The following ITFG1 variants were observed in gnomAD, a reference collection of about 807,000 sequenced individuals.
The protein encoded by ITFG1 is integrin alpha FG-GAP repeat containing 1, also known as T-cell immunomodulatory protein.
ITFG1 carries 34 observed loss-of-function variants against 81.8 expected under a neutral mutation model. The observed-to-expected ratio is 0.42, with a 90% CI of 0.32 to 0.55. The LOEUF (loss-of-function observed/expected upper bound fraction) is 0.55. ITFG1 is among the 20% of genes least tolerant of loss of function. ITFG1 has a pLI of 0.17. For synonymous variants in ITFG1, 285 were observed against 270.6 expected (o/e 1.05, Z -0.52); for missense variants, 672 against 755.4 (o/e 0.89, Z 1.29).
At chr16:47,259,643 TA>T (rs1468711247) in intron 11 of ITFG1, among the ~76,000 whole-genome samples, 9 of 152,186 alleles carry the variant, frequency 5.9e-5, no homozygotes, top group African/African-American at 2.2e-4. Flanking sequence ...ATTGGGCACT[TA>T]ACTTTTAAAA....
At chr16:47,323,560 C>A (rs1236774672) in intron 8 of ITFG1, among the ~76,000 whole-genome samples, 1 of 152,062 alleles carries the variant, frequency 6.6e-6, no homozygotes, top group Non-Finnish European at 1.5e-5. Context: ...TCTAAATTAC[C>A]CAGTTTCATA....
chr16:47,443,587 T>C (rs1969283959), intron 5 of ITFG1, among the ~76,000 whole-genome samples: 1 of 152,208 alleles, frequency 6.6e-6, no homozygotes, highest in Non-Finnish European at 1.5e-5. Flanking sequence ...GATGAGTTCA[T>C]GTCCTTTGTG....
chr16:47,449,045 T>A (rs924934220), intron 5 of ITFG1: 1 of 152,184 alleles, frequency 6.6e-6, no homozygotes, highest in Non-Finnish European at 1.5e-5. Flanking sequence ...TTTAGACTGA[T>A]CATCTGCACC....
chr16:47,441,321 T>A (rs1969247261), intron 5 of ITFG1, among the ~76,000 whole-genome samples: 1 of 152,120 alleles, frequency 6.6e-6, no homozygotes, highest in Non-Finnish European at 1.5e-5. Flanking sequence ...CCTCCCTAAC[T>A]CATTTTATGA....
intron 6 of ITFG1, among the ~76,000 whole-genome samples, chr16:47,395,745 A>C (rs1356568256): frequency 6.6e-6 from 1 of 152,244 alleles, no homozygotes; most frequent in African/African-American, 2.4e-5. Context: ...CTGTTTTTAA[A>C]TGGAGTTTCT....
rs1280420223 is a variant in ITFG1 at position 47,154,498 on chromosome 16, G to A, written c.*1221C>T. The A allele has an allele frequency of 6.6e-6, 1 of 151,926 alleles. No homozygotes were observed. Among genetic ancestry groups the A allele is most frequent in the Non-Finnish European group, 1.5e-5 (1 of 67,978 alleles). The allele number at this position is 151,926 out of a possible 1,614,324, so 9.4% of individuals were successfully genotyped here. A position where few individuals can be genotyped will look rare whatever the true frequency, so the allele number is the denominator to read the frequency against. ...TAAAGAAAAAAATAAGAACAAAATT[G>A]TTTTCAGAGAAATTTTTGTGTTTTA... On this transcript the variant is annotated 3_prime_UTR_variant, in exon 18 of 18. Coordinates refer to ENST00000320640, the MANE Select transcript of ITFG1 (RefSeq NM_030790.5).
rs571309907 is a variant in ITFG1, at chr16:47,161,616, T to G, written c.1661+134A>C. ...GTAAGTATGTTTAGTCATTTAAAGTTTGCCGTAAGCAAATTAAGGGATGGG... is the reference window on the plus strand; with the variant it reads ...GTAAGTATGTTTAGTCATTTAAAGTGTGCCGTAAGCAAATTAAGGGATGGG... On this transcript the variant is annotated intron_variant, in intron 16 of 17. Coordinates refer to ENST00000320640, the MANE Select transcript of ITFG1 (RefSeq NM_030790.5). The G allele has an allele frequency of 5.5e-6, 3 of 544,440 alleles. No homozygotes were observed. In the African/African-American group the frequency reaches 5.6e-5, roughly 10 times the overall value. 33.7% of individuals were successfully genotyped at this position (544,440 alleles called of 1,614,324 possible).
chr16:47,449,276 T>G (rs1490447536), intron 5 of ITFG1: 1 of 152,216 alleles, frequency 6.6e-6, no homozygotes, highest in African/African-American at 2.4e-5. Context: ...AAAGGTAGAT[T>G]TCTTGATAAA....
intron 8 of ITFG1, among the ~76,000 whole-genome samples, chr16:47,330,488 TAAAC>T (rs1041938785): frequency 2.6e-5 from 4 of 151,380 alleles, no homozygotes; most frequent in African/African-American, 7.3e-5. Flanking sequence ...AAGAAACAAA[TAAAC>T]AAACCCAAAA....
intron 6 of ITFG1, among the ~76,000 whole-genome samples, chr16:47,408,061 T>C (rs1298895423): frequency 6.6e-6 from 1 of 152,182 alleles, no homozygotes; most frequent in East Asian, 1.9e-4. Context: ...CAAATCAGTG[T>C]CTTTAAAAAT....
chr16:47,440,340 T>C (rs1248680438), intron 5 of ITFG1, among the ~76,000 whole-genome samples: 6 of 152,288 alleles, frequency 3.9e-5, no homozygotes, highest in Middle Eastern at 3.4e-3. Flanking sequence ...GCGGACCTAA[T>C]AGACATCTAC....
At chr16:47,407,079 T>C (rs764026508) in intron 6 of ITFG1, among the ~76,000 whole-genome samples, 14 of 152,162 alleles carry the variant, frequency 9.2e-5, no homozygotes, top group Non-Finnish European at 1.6e-4. Context: ...TTTAAGGACT[T>C]TGGCTATTTA....
intron 11 of ITFG1, among the ~76,000 whole-genome samples, chr16:47,259,999 C>T (rs377512639): frequency 4.7e-5 from 7 of 147,642 alleles, no homozygotes; most frequent in Middle Eastern, 3.6e-3. Flanking sequence ...AGTGCAGTGG[C>T]GCAATCTCGG....
At position 47,299,436 on chromosome 16, in the gene ITFG1, G is replaced by C. The variant is rs762912532; in HGVS notation, c.1070+11804C>G. The C allele has an allele frequency of 5.8e-4, 50 of 86,180 alleles. No homozygotes were observed. In the Middle Eastern group the frequency reaches 0.036, roughly 62 times the overall value. The allele number at this position is 86,180 out of a possible 1,614,324, so 5.3% of individuals were successfully genotyped here. A position where few individuals can be genotyped will look rare whatever the true frequency, so the allele number is the denominator to read the frequency against. On this transcript the variant is annotated intron_variant, in intron 10 of 17. Coordinates refer to ENST00000320640, the MANE Select transcript of ITFG1 (RefSeq NM_030790.5). ...ACTTTGCTTCCAAGGTGGGAAATAG[G>C]GGGGAAAGCTGGTGGTGTTGGGTAG... is the stretch of plus-strand genomic sequence containing the variant.
At chr16:47,437,121 T>A (rs1969177117) in intron 5 of ITFG1, among the ~76,000 whole-genome samples, 1 of 152,178 alleles carries the variant, frequency 6.6e-6, no homozygotes, top group Admixed American at 6.5e-5. Flanking sequence ...ATTAAGAAAC[T>A]ATTCTTAGTT....
At chr16:47,406,275 A>ATGTGTCTGTTATTTTC (rs1968728149) in intron 6 of ITFG1, among the ~76,000 whole-genome samples, 1 of 152,194 alleles carries the variant, frequency 6.6e-6, no homozygotes, top group Non-Finnish European at 1.5e-5. Context: ...TTCTTGAAAA[A>ATGTGTCTGTTATTTTC]TGTGTCTGTT....
At chr16:47,299,047 T>C (rs1310606375) in intron 10 of ITFG1, among the ~76,000 whole-genome samples, 4 of 152,030 alleles carry the variant, frequency 2.6e-5, no homozygotes, top group African/African-American at 4.8e-5. Context: ...CTCAGGCCCC[T>C]GGTGAAATCT....
At chr16:47,321,650 G>T (rs1405844441) in intron 8 of ITFG1, among the ~76,000 whole-genome samples, 1 of 152,124 alleles carries the variant, frequency 6.6e-6, no homozygotes, top group Non-Finnish European at 1.5e-5. Context: ...GACTGTGCCT[G>T]TAGATGGGCA....
chr16:47,356,738 T>C (rs909317507), intron 8 of ITFG1, among the ~76,000 whole-genome samples: 1 of 152,194 alleles, frequency 6.6e-6, no homozygotes, highest in Non-Finnish European at 1.5e-5. Context: ...CTATGACTTA[T>C]CAATGAATGG....
Sources: gnomAD v4.1 joint callset for allele counts (sites outside exome capture counted in the v4.1 genomes callset) on GRCh38, gnomAD v4.1.1 for gene constraint, MANE v1.5 for transcripts, NCBI Gene and HGNC (gene_info 2026-07-23, HGNC 2026-07-21) for gene names.